The following ANK3 variants were observed in gnomAD, a reference collection of about 807,000 sequenced individuals.
The protein encoded by ANK3 is ankyrin-3.
A neutral mutation model predicts 370.9 loss-of-function variants in ANK3; 57 were observed. The observed-to-expected ratio is 0.15, with a 90% confidence interval of 0.12 to 0.19. The LOEUF (loss-of-function observed/expected upper bound fraction) is 0.19, where lower values mean the gene tolerates loss of function less well. Ranked by LOEUF, ANK3 falls within the 10% of genes least tolerant of loss-of-function variation. ANK3 has a pLI of 1.00. For synonymous variants in ANK3, 1,929 were observed against 1,946.3 expected (o/e 0.99, Z 0.23); for missense variants, 4,439 against 5,302.1 (o/e 0.84, Z 5.06).
chr10:60,275,960 TTAA>T (rs2098084985), intron 4 of ANK3, among the ~76,000 whole-genome samples: 1 of 152,188 alleles, frequency 6.6e-6, no homozygotes, highest in South Asian at 2.1e-4. Flanking sequence ...TATTAAGGAC[TTAA>T]TAATAGAATT....
chr10:60,554,518 T>G (rs555424652), intron 2 of ANK3, among the ~76,000 whole-genome samples: 1 of 152,058 alleles, frequency 6.6e-6, no homozygotes, highest in Non-Finnish European at 1.5e-5. Context: ...AAGCCAAAAA[T>G]TGCAATGGTA....
chr10:60,623,204 G>C (rs924361232), intron 1 of ANK3, among the ~76,000 whole-genome samples: 2 of 152,102 alleles, frequency 1.3e-5, no homozygotes, highest in Non-Finnish European at 2.9e-5. Context: ...AATAAGGTAC[G>C]ATCTTTACTC....
rs11282162 is a variant in ANK3 at position 60,240,306 on chromosome 10, A to ATATATTT, written c.799-5521_799-5520insAAATATA. On this transcript the variant is annotated intron_variant, in intron 7 of 43. Transcript: ENST00000280772. Reference sequence around the variant, plus strand: ...CATATATATATATATATATATATATATTTTTTTTTCTTTTTGAGATAGAGT... The same window carrying ATATATTT: ...CATATATATATATATATATATATATATATATTTTTTTTTTTTCTTTTTGAGATAGAGT... Among the ~76,000 whole-genome samples the ATATATTT allele has an allele frequency of 8.0e-3, 955 of 119,730 alleles. 31 individuals are homozygous for ATATATTT. Among genetic ancestry groups the ATATATTT allele is most frequent in the Non-Finnish European group, 0.01 (604 of 58,520 alleles). 78.5% of individuals were successfully genotyped at this position (119,730 alleles called of 152,430 possible). A position where few individuals can be genotyped will look rare whatever the true frequency, so the allele number is the denominator to read the frequency against.
chr10:60,462,967 G>A (rs1048213038), intron 2 of ANK3, among the ~76,000 whole-genome samples: 1 of 151,994 alleles, frequency 6.6e-6, no homozygotes, highest in African/African-American at 2.4e-5. Flanking sequence ...TCAGTGACAC[G>A]ATCATGGCTT....
chr10:60,575,367 G>C (rs955571345), intron 2 of ANK3, among the ~76,000 whole-genome samples: 1 of 151,996 alleles, frequency 6.6e-6, no homozygotes, highest in African/African-American at 2.4e-5. Context: ...TTGAAGACTG[G>C]ATTATACGGC....
At chr10:60,576,040 T>C (rs184811514) in intron 2 of ANK3, among the ~76,000 whole-genome samples, 119 of 152,332 alleles carry the variant, frequency 7.8e-4, no homozygotes, top group African/African-American at 2.7e-3. Context: ...TTAACTACTT[T>C]GCGGCGGTAA....
At chr10:60,263,161 C>A (rs1361865162) in intron 6 of ANK3, among the ~76,000 whole-genome samples, 2 of 152,112 alleles carry the variant, frequency 1.3e-5, no homozygotes, top group Non-Finnish European at 2.9e-5. Context: ...TAGGTTAACA[C>A]ATTTGGAAGC....
chr10:60,486,537 G>T (rs758131737), intron 2 of ANK3, among the ~76,000 whole-genome samples: 1 of 152,188 alleles, frequency 6.6e-6, no homozygotes, highest in Non-Finnish European at 1.5e-5. Flanking sequence ...CTGAGATCAT[G>T]CCACTGCACT....
Position 60,073,812 on chromosome 10 carries a change from C to A in ANK3, c.7069G>T (p.Glu2357Ter). 1 of 1,613,462 alleles carries A rather than the reference C, an allele frequency of 6.2e-7. No homozygotes were observed. Among genetic ancestry groups the A allele is most frequent in the Non-Finnish European group, 8.5e-7 (1 of 1,179,958 alleles). ...IRETKKHPEK[E>*]MYVYQKDLSR... ...AAGTCTTTCTGATATACATACATTT[C>A]TTTTTCTGGATGCTTTTTGGTTTCT... The change falls in exon 37 of 44, where the codon GAA becomes TAA. Residue 2357 changes from glutamate (E) to a stop codon, truncating the protein, a stop_gained. Transcript: ENST00000280772. LOFTEE classifies it high-confidence loss of function.
intron 1 of ANK3, among the ~76,000 whole-genome samples, chr10:60,693,439 T>TG (rs1250457967): frequency 1.3e-5 from 2 of 152,246 alleles, no homozygotes; most frequent in Non-Finnish European, 1.5e-5. Flanking sequence ...GCTCCACCTC[T>TG]GGGGGCAGGG....
chr10:60,594,606 T>TACAC (rs149268310), intron 2 of ANK3, among the ~76,000 whole-genome samples: 1 of 151,616 alleles, frequency 6.6e-6, no homozygotes, highest in African/African-American at 2.4e-5. Context: ...TGCCTATTTT[T>TACAC]ACACACACAC....
intron 27 of ANK3, among the ~76,000 whole-genome samples, chr10:60,106,845 G>T (rs2092240953): frequency 6.6e-6 from 1 of 152,154 alleles, no homozygotes; most frequent in African/African-American, 2.4e-5. Context: ...TAAAAGAGAT[G>T]AATGGAAGTA....
chr10:60,724,254 C>T (rs1202887087), intron 1 of ANK3, among the ~76,000 whole-genome samples: 1 of 150,392 alleles, frequency 6.6e-6, no homozygotes, highest in Non-Finnish European at 1.5e-5. Flanking sequence ...TCCTCTAGCG[C>T]CCCCAGAAGG....
intron 1 of ANK3, among the ~76,000 whole-genome samples, chr10:60,615,826 G>A (rs1034024843): frequency 1.2e-4 from 19 of 152,264 alleles, no homozygotes; most frequent in African/African-American, 4.6e-4. Context: ...GATCTACTCT[G>A]ACTACAGGAA....
chr10:60,440,513 C>G (rs549889021), intron 2 of ANK3, among the ~76,000 whole-genome samples: 1 of 152,232 alleles, frequency 6.6e-6, no homozygotes, highest in East Asian at 1.9e-4. Flanking sequence ...CATTAACTAT[C>G]ATAAGAACAG....
intron 1 of ANK3, among the ~76,000 whole-genome samples, chr10:60,627,839 C>A (rs1423313487): frequency 6.6e-6 from 1 of 152,064 alleles, no homozygotes; most frequent in Non-Finnish European, 1.5e-5. Context: ...CTCAAAATAA[C>A]GCCATAACAT....
At position 60,536,553 on chromosome 10, in the gene ANK3, C is replaced by T. The variant is rs1022058670; in HGVS notation, c.96+78633G>A. Among the ~76,000 whole-genome samples, 56 of 152,018 alleles carry T rather than the reference C, an allele frequency of 3.7e-4. 1 individual carries two copies. Among genetic ancestry groups the T allele is most frequent in the Admixed American group, 3.4e-3 (51 of 15,210 alleles). ...TAGTCTACATGATCAAGGAGAGGAA[C>T]GTTCTTTTCTGAGTATCCTGAAATA... On this transcript the variant is annotated intron_variant, in intron 2 of 43. Transcript: ENST00000373827.
intron 1 of ANK3, among the ~76,000 whole-genome samples, chr10:60,370,507 C>T (rs10994319): frequency 0.36 from 55,400 of 151,912 alleles, 10,958 homozygotes; most frequent in Middle Eastern, 0.49. Flanking sequence ...TAGAAGAATG[C>T]ATTAAAACAT....
intron 21 of ANK3, among the ~76,000 whole-genome samples, chr10:60,169,499 T>C (rs1017777338): frequency 6.6e-6 from 1 of 152,030 alleles, no homozygotes; most frequent in African/African-American, 2.4e-5. Flanking sequence ...ATTGTTGATG[T>C]TGATCTTGAT....
Sources: allele counts gnomAD v4.1 joint callset (sites outside exome capture counted in the v4.1 genomes callset), GRCh38; gene constraint gnomAD v4.1.1; transcripts MANE v1.5; gene names NCBI Gene and HGNC (gene_info 2026-07-23, HGNC 2026-07-21).